Variants in RFX7 observed in about 807,000 individuals in gnomAD.
RFX7 encodes DNA-binding protein RFX7.
Under a neutral mutation model 111.8 loss-of-function variants are expected in RFX7, and 26 were observed. The ratio of observed to expected loss-of-function variants is 0.23; its 90% CI spans 0.17 to 0.32. The LOEUF (loss-of-function observed/expected upper bound fraction) is 0.32. RFX7 is among the 10% of genes least tolerant of loss of function. The pLI, the probability that RFX7 is intolerant of heterozygous loss-of-function variation, is 1.00. For missense variants in RFX7, 1,573 were observed against 1,772.9 expected (o/e 0.89, Z 2.02); for synonymous variants, 624 against 624.4 (o/e 1.00, Z 0.01).
At chr15:56,242,849 T>C (rs1430804838) in intron 2 of RFX7, among the ~76,000 whole-genome samples, 2 of 152,196 alleles carry the variant, frequency 1.3e-5, no homozygotes, top group East Asian at 1.9e-4. Context: ...CATATTTCTG[T>C]TACAATGAGT....
In RFX7 at chr15:56,095,612, C is replaced by CAACAGAAG; in HGVS notation, c.2115_2116insCTTCTGTT (p.Glu706LeufsTer18). 6.2e-7 allele frequency: 1 copy of CAACAGAAG among 1,614,014 alleles called. No homozygotes were observed. Among genetic ancestry groups the CAACAGAAG allele is most frequent in the East Asian group, 2.2e-5 (1 of 44,890 alleles). On this transcript the variant is annotated frameshift_variant, in exon 10 of 10. Transcript: ENST00000559447. LOFTEE classifies it high-confidence loss of function. ...ATCTGAGCACCTGCTGTTGAACCTT[C>CAACAGAAG]TGTTTTCCCTGAATGTGGAACCTTT...
rs185176370 is a variant in RFX7, at chr15:56,150,202, G to A, written c.196-5719C>T. Among the ~76,000 whole-genome samples the A allele has an allele frequency of 3.2e-3, 489 of 152,280 alleles. 2 individuals are homozygous for A. The highest frequency in any genetic ancestry group is 6.8e-3 in the Middle Eastern group (2 of 294). On this transcript the variant is annotated intron_variant, in intron 3 of 9. Transcript: ENST00000559447. ...GCCCCTCTCTGGACAGGGCATCTCT[G>A]TAAAACAGGCAGCAGCCCCAGTCAG...
At chr15:56,228,907 A>AT (rs1455972238) in intron 2 of RFX7, among the ~76,000 whole-genome samples, 1 of 152,238 alleles carries the variant, frequency 6.6e-6, no homozygotes, top group Admixed American at 6.5e-5. Flanking sequence ...ATAGTAAGAG[A>AT]TAAACAATAA....
intron 5 of RFX7, among the ~76,000 whole-genome samples, chr15:56,110,102 C>G (rs1339650307): frequency 7.8e-6 from 1 of 128,342 alleles, no homozygotes; most frequent in South Asian, 2.5e-4. Flanking sequence ...GGGGGGTCAG[C>G]CCCCCGCCCG....
intron 5 of RFX7, among the ~76,000 whole-genome samples, chr15:56,111,390 G>C (rs2041928702): frequency 1.3e-5 from 2 of 152,044 alleles, no homozygotes; most frequent in East Asian, 2.0e-4. Context: ...TGTCCACTCA[G>C]GGTTAAATGG....
At chr15:56,216,428 T>C (rs576572095) in intron 2 of RFX7, among the ~76,000 whole-genome samples, 20 of 152,322 alleles carry the variant, frequency 1.3e-4, no homozygotes, top group African/African-American at 4.6e-4. Context: ...AAGTTGCTTA[T>C]AATATTCTTA....
rs1295589369 is a variant in RFX7, at chr15:56,107,295, T to TC, written c.402-3626dup. 3.6e-4 allele frequency among the ~76,000 whole-genome samples: 3 copies of TC among 8,366 alleles called. No individual in the cohort carries two copies. The East Asian group carries it at 7.7e-3, about 22-fold the overall frequency. 5.5% of individuals were successfully genotyped at this position (8,366 alleles called of 152,430 possible). On this transcript the variant is annotated intron_variant, in intron 5 of 9. Transcript: ENST00000559447. ...CTGGGCAGTAGAGCAAGACTCCGTC[T>TC]CAAAAAAAAAAAAAAAAAAAAAAAA...
At position 56,103,561 on chromosome 15, in the gene RFX7, T is replaced by C; in HGVS notation, c.511A>G (p.Lys171Glu). 1 of 1,599,372 alleles carries C rather than the reference T, an allele frequency of 6.3e-7. No homozygotes were observed. Among genetic ancestry groups the C allele is most frequent in the Non-Finnish European group, 8.5e-7 (1 of 1,170,900 alleles). ...CATTCTGGTAAAGGATATTTAGATT[T>C]GCCTCTTGTGCCCAAACGACGTGCC... ...MKARRLGTRG[K>E]SKYCYSGLRK... The change falls in exon 6 of 10, where the codon AAA becomes GAA. Residue 171 changes from lysine to glutamate, a missense_variant. By Grantham distance (56) the Lys-to-Glu change is moderately conservative. Transcript: ENST00000559447.
intron 2 of RFX7, among the ~76,000 whole-genome samples, chr15:56,204,019 CT>C (rs139030100): frequency 0.12 from 14,240 of 120,452 alleles, 600 homozygotes; most frequent in East Asian, 0.36. Flanking sequence ...GTAACAAAAC[CT>C]TTTTTTTTTT....
rs1480065904 is a variant in RFX7, at chr15:56,109,257, A to G, written c.402-5587T>C. On this transcript the variant is annotated intron_variant, in intron 5 of 9. Transcript: ENST00000559447. ...GAGACGGGGTTTCGCTGTGTTGGCC[A>G]GGCTGGTCTCCAGCTCCTAACCGCG... 5.3e-5 allele frequency among the ~76,000 whole-genome samples: 8 copies of G among 152,224 alleles called. No homozygotes were observed. In the South Asian group the frequency reaches 1.2e-3, roughly 24 times the overall value.
At chr15:56,119,862 G>C (rs62044097) in intron 5 of RFX7, among the ~76,000 whole-genome samples, 15,269 of 151,506 alleles carry the variant, frequency 0.1, 979 homozygotes, top group Middle Eastern at 0.2. Flanking sequence ...CTGTTCTTTT[G>C]GTCTATGTGT....
Position 56,096,188 on chromosome 15 carries a change from C to A in RFX7, c.1540G>T (p.Gly514Cys), listed in dbSNP as rs1487788153. Residue 514 changes from glycine to cysteine, a missense_variant, in exon 10 of 10, where the codon GGT becomes TGT. Around this residue, in one of 7 missense-constraint regions of RFX7, gnomAD observed 625 missense variants for 632.2 expected, o/e 0.99. Coordinates refer to ENST00000559447, the MANE Select transcript of RFX7 (RefSeq NM_022841.7). ...GGAGACTGAAGCGACACGACAGAACCATTCTTGATCTGTGGAACACTCCTT... is the reference window on the plus strand; with the variant it reads ...GGAGACTGAAGCGACACGACAGAACAATTCTTGATCTGTGGAACACTCCTT... ...ESRSVPQIKNGSVVSLQSPGS... is the reference protein window; with the variant it reads ...ESRSVPQIKNCSVVSLQSPGS... 2.5e-6 allele frequency: 4 copies of A among 1,613,780 alleles called. No individual in the cohort carries two copies. The highest frequency in any genetic ancestry group is 1.7e-5 in the Admixed American group (1 of 59,992).
intron 3 of RFX7, among the ~76,000 whole-genome samples, chr15:56,151,627 G>A (rs1263318896): frequency 1.3e-5 from 2 of 152,072 alleles, no homozygotes; most frequent in Non-Finnish European, 2.9e-5. Flanking sequence ...AAAGAACATC[G>A]ACACTATTAA....
At chr15:56,144,275 A>G (rs1425095121) in intron 4 of RFX7, 126 bp downstream of exon 4, 1 of 268,684 alleles carries the variant, frequency 3.7e-6, no homozygotes, top group Non-Finnish European at 7.6e-6. Flanking sequence ...TTGTTTTGCC[A>G]GTATGTTTTC....
Position 56,243,480 on chromosome 15 carries a change from T to G in RFX7, c.-38A>C. 1.0e-6 allele frequency: 1 copy of G among 984,232 alleles called. No individual in the cohort carries two copies. The highest frequency in any genetic ancestry group is 1.2e-6 in the Non-Finnish European group (1 of 829,582). 61.0% of individuals were successfully genotyped at this position (984,232 alleles called of 1,614,324 possible). A position where few individuals can be genotyped will look rare whatever the true frequency, so the allele number is the denominator to read the frequency against. On this transcript the variant is annotated 5_prime_UTR_variant, in exon 1 of 10. Transcript: ENST00000559447. ...GAGTGAGTCGCTTTCGCCTGCCGCC[T>G]GGGGAACATCACCGGGGAGACCAGC...
chr15:56,191,302 A>AAGG (rs1361725723), intron 2 of RFX7, among the ~76,000 whole-genome samples: 3 of 152,228 alleles, frequency 2.0e-5, no homozygotes, highest in African/African-American at 4.8e-5. Flanking sequence ...AGTAAATAAA[A>AAGG]TTTCAAATAA....
At chr15:56,113,574 T>C (rs1314457169) in intron 5 of RFX7, among the ~76,000 whole-genome samples, 2 of 151,976 alleles carry the variant, frequency 1.3e-5, no homozygotes, top group African/African-American at 2.4e-5. Flanking sequence ...AGGTGACAGG[T>C]TGGTAGGTGC....
intron 2 of RFX7, among the ~76,000 whole-genome samples, chr15:56,183,811 A>C (rs2043003041): frequency 6.7e-6 from 1 of 148,270 alleles, no homozygotes; most frequent in Non-Finnish European, 1.5e-5. Flanking sequence ...GAATGGGAGA[A>C]GATGACTGAT....
At chr15:56,106,949 G>A (rs1349950497) in intron 5 of RFX7, among the ~76,000 whole-genome samples, 1 of 152,006 alleles carries the variant, frequency 6.6e-6, no homozygotes, top group African/African-American at 2.4e-5. Context: ...TACTTTGCAA[G>A]ACTCAAAAAA....
Sources: gnomAD v4.1 joint callset for allele counts (sites outside exome capture counted in the v4.1 genomes callset) on GRCh38, gnomAD v4.1.1 for gene constraint, gnomAD v4.1.1 regional missense constraint, MANE v1.5 for transcripts, NCBI Gene and HGNC (gene_info 2026-07-23, HGNC 2026-07-21) for gene names.